TAS2R1: variants seen among roughly 807,000 people sequenced by gnomAD.
The protein encoded by TAS2R1 is taste receptor type 2 member 1.
For missense variants in TAS2R1, 370 were observed against 353.4 expected (o/e 1.05, Z -0.38); for synonymous variants, 141 against 134.2 (o/e 1.05, Z -0.35).
intron 1 of TAS2R1, among the ~76,000 whole-genome samples, chr5:9,698,783 G>A (rs1454266319): frequency 6.6e-6 from 1 of 152,102 alleles, no homozygotes; most frequent in Admixed American, 6.6e-5. Flanking sequence ...TGGCTGAACC[G>A]CAATGAGATA....
the TAS2R1 span, among the ~76,000 whole-genome samples, chr5:9,893,721 T>C: frequency 2.6e-5 from 4 of 152,228 alleles, no homozygotes; most frequent in Admixed American, 2.6e-4. Context: ...TGTTCACTTT[T>C]GTACATCTAT....
the TAS2R1 span, among the ~76,000 whole-genome samples, chr5:9,863,576 T>C: frequency 6.6e-6 from 1 of 152,142 alleles, no homozygotes; most frequent in Non-Finnish European, 1.5e-5. Flanking sequence ...GGCCCAAAGA[T>C]TATTACTGAC....
At chr5:9,659,471 C>T (rs1237522103) in exon 2 of TAS2R1, 1 of 151,944 alleles carries the variant, frequency 6.6e-6, no homozygotes, top group Admixed American at 6.6e-5. Flanking sequence ...GAGCTGTTTT[C>T]CCACACCGCA....
chr5:9,693,218 T>C (rs557489999), intron 1 of TAS2R1, among the ~76,000 whole-genome samples: 1 of 152,226 alleles, frequency 6.6e-6, no homozygotes, highest in African/African-American at 2.4e-5. Context: ...TTTAAAAATT[T>C]GGTCTCTTGG....
the TAS2R1 span, among the ~76,000 whole-genome samples, chr5:9,814,211 G>T: frequency 1.3e-5 from 2 of 152,060 alleles, no homozygotes; most frequent in Non-Finnish European, 2.9e-5. Context: ...ATGGGATCTG[G>T]CTAGACATCT....
At chr5:9,677,112 G>T (rs987983761) in intron 1 of TAS2R1, among the ~76,000 whole-genome samples, 3 of 152,162 alleles carry the variant, frequency 2.0e-5, no homozygotes, top group Non-Finnish European at 4.4e-5. Context: ...GTGGGAACAC[G>T]GATGGAGCTG....
intron 2 of TAS2R1, among the ~76,000 whole-genome samples, chr5:9,638,227 A>G (rs1026288668): frequency 1.3e-5 from 2 of 152,010 alleles, no homozygotes; most frequent in African/African-American, 2.4e-5. Flanking sequence ...CAAGGCTACC[A>G]AGCTCTGGGC....
chr5:9,827,244 C>T, the TAS2R1 span, among the ~76,000 whole-genome samples: 1 of 152,134 alleles, frequency 6.6e-6, no homozygotes, highest in African/African-American at 2.4e-5. Flanking sequence ...CTGTCACCTC[C>T]TTTCTTACCC....
At chr5:9,795,949 C>T in the TAS2R1 span, among the ~76,000 whole-genome samples, 4 of 152,140 alleles carry the variant, frequency 2.6e-5, no homozygotes, top group Non-Finnish European at 4.4e-5. Flanking sequence ...CCAGACATTT[C>T]CCAGGTCCTC....
the TAS2R1 span, chr5:9,903,817 C>G: frequency 8.5e-5 from 13 of 152,298 alleles, no homozygotes; most frequent in East Asian, 2.5e-3. Flanking sequence ...TGGCCTCCAG[C>G]CAGACTCTCC....
the TAS2R1 span, among the ~76,000 whole-genome samples, chr5:9,862,043 C>T: frequency 6.6e-6 from 1 of 152,296 alleles, no homozygotes; most frequent in African/African-American, 2.4e-5. Context: ...AGGCCAGTCC[C>T]CCGTGGTGTC....
the TAS2R1 span, chr5:9,854,433 A>T: frequency 1.3e-5 from 2 of 152,154 alleles, no homozygotes; most frequent in Non-Finnish European, 2.9e-5. Flanking sequence ...GATGCAATTC[A>T]ACACGTAATA....
the TAS2R1 span, among the ~76,000 whole-genome samples, chr5:9,868,594 G>C: frequency 2.6e-5 from 4 of 152,202 alleles, no homozygotes; most frequent in African/African-American, 9.7e-5. Context: ...GGACTTCCAT[G>C]AAGGTCTCTG....
the TAS2R1 span, among the ~76,000 whole-genome samples, chr5:9,891,598 G>T: frequency 5.9e-5 from 9 of 152,174 alleles, no homozygotes; most frequent in African/African-American, 1.9e-4. Context: ...CCCACAAAGT[G>T]TACCTACTTC....
chr5:9,755,275 C>T, the TAS2R1 span, among the ~76,000 whole-genome samples: 2 of 152,012 alleles, frequency 1.3e-5, no homozygotes, highest in Non-Finnish European at 2.9e-5. Flanking sequence ...AAAGTGAAAG[C>T]AACTTTATTA....
chr5:9,668,049 A>C (rs1013031775), intron 1 of TAS2R1, among the ~76,000 whole-genome samples: 1 of 152,234 alleles, frequency 6.6e-6, no homozygotes, highest in Non-Finnish European at 1.5e-5. Context: ...GAGATAAAAA[A>C]CAAAATGGCC....
At chr5:9,638,230 C>A (rs369340905) in intron 2 of TAS2R1, among the ~76,000 whole-genome samples, 1 of 152,064 alleles carries the variant, frequency 6.6e-6, no homozygotes, top group Non-Finnish European at 1.5e-5. Context: ...GGCTACCAAG[C>A]TCTGGGCTGA....
At chr5:9,710,751 A>C (rs1463433058) in intron 1 of TAS2R1, among the ~76,000 whole-genome samples, 1 of 151,732 alleles carries the variant, frequency 6.6e-6, no homozygotes, top group East Asian at 1.9e-4. Flanking sequence ...ATTCCTCCAA[A>C]GAATACATAC....
At chr5:9,683,293 C>A (rs775205470) in intron 1 of TAS2R1, among the ~76,000 whole-genome samples, 1 of 152,052 alleles carries the variant, frequency 6.6e-6, no homozygotes, top group Non-Finnish European at 1.5e-5. Context: ...TTTTGAAATG[C>A]CATTTAACAA....
Sources: gnomAD v4.1 joint callset for allele counts (sites outside exome capture counted in the v4.1 genomes callset) on GRCh38, gnomAD v4.1.1 for gene constraint, MANE v1.5 for transcripts, NCBI Gene and HGNC (gene_info 2026-07-23, HGNC 2026-07-21) for gene names.